CDH12: variants seen among roughly 807,000 people sequenced by gnomAD.
CDH12 encodes the protein cadherin 12.
Under a neutral mutation model 74.1 loss-of-function variants are expected in CDH12, and 41 were observed. The ratio of observed to expected loss-of-function variants is 0.55; its 90% CI spans 0.43 to 0.72. The LOEUF is 0.72. CDH12 is among the 30% of genes least tolerant of loss of function. The pLI, the probability that CDH12 is intolerant of heterozygous loss-of-function variation, is 0.00. For synonymous variants in CDH12, 399 were observed against 355.0 expected, an observed-to-expected ratio of 1.12 and a Z score of -1.39; for missense variants, 945 against 977.2, an observed-to-expected ratio of 0.97 and a Z score of 0.44.
chr5:22,255,601 T>C (rs1454993542), intron 3 of CDH12, among the ~76,000 whole-genome samples: 1 of 151,688 alleles, frequency 6.6e-6, no homozygotes, highest in African/African-American at 2.4e-5. Context: ...TTTAAGTTTG[T>C]TACATTTTTA....
intron 2 of CDH12, among the ~76,000 whole-genome samples, chr5:22,501,014 C>T (rs186603143): frequency 6.6e-6 from 1 of 151,744 alleles, no homozygotes; most frequent in South Asian, 2.1e-4. Flanking sequence ...AGCACAATAA[C>T]CTGCATTGTG....
intron 1 of CDH12, among the ~76,000 whole-genome samples, chr5:22,606,510 G>A (rs145056355): frequency 0.037 from 5,652 of 152,178 alleles, 245 homozygotes; most frequent in African/African-American, 0.1. Context: ...GAGTTCTCAC[G>A]AGATCTGATG....
chr5:22,454,265 C>A (rs949031023), intron 2 of CDH12, among the ~76,000 whole-genome samples: 1 of 152,144 alleles, frequency 6.6e-6, no homozygotes, highest in Non-Finnish European at 1.5e-5. Context: ...AACAATTAGT[C>A]TTTCGTATAT....
In CDH12 at chr5:21,880,501, TCCTCCCTC is replaced by T. The variant is rs1225341086; in HGVS notation, c.527-25719_527-25712del. ...TTCCTTCCTTCCTTCCTTCCTTCCT[TCCTCCCTC>T]CCTCCCTCTTTTCTTTCTTCCTTCT... On this transcript the variant is annotated intron_variant, in intron 6 of 14. Transcript: ENST00000382254. 3.5e-4 allele frequency among the ~76,000 whole-genome samples: 9 copies of T among 25,380 alleles called. 3 individuals are homozygous for T. The highest frequency in any genetic ancestry group is 1.1e-3 in the Admixed American group (2 of 1,872). 16.7% of individuals were successfully genotyped at this position (25,380 alleles called of 152,430 possible).
intron 6 of CDH12, among the ~76,000 whole-genome samples, chr5:21,864,276 C>T (rs551427886): frequency 1.8e-4 from 28 of 152,074 alleles, no homozygotes; most frequent in South Asian, 8.3e-4. Flanking sequence ...CACTACTCCT[C>T]GATGTGTCTG....
rs143931004 is a variant in CDH12, at chr5:22,702,735, A to C, written c.-523+150323T>G. Among the ~76,000 whole-genome samples, 916 of 152,076 alleles carry C rather than the reference A, an allele frequency of 6.0e-3. 5 individuals carry two copies. The highest frequency in any genetic ancestry group is 0.027 in the Middle Eastern group (8 of 294). ...AAGCTTGATAACAATAATAAAAAAA[A>C]CCCTTCACTTTCCTTTGCTGTTCTT... On this transcript the variant is annotated intron_variant, in intron 1 of 14. Transcript: ENST00000382254.
At chr5:22,115,536 A>G (rs925849389) in intron 4 of CDH12, among the ~76,000 whole-genome samples, 3 of 152,020 alleles carry the variant, frequency 2.0e-5, no homozygotes, top group Non-Finnish European at 2.9e-5. Context: ...TAAAATATAC[A>G]TTGGCTATAG....
chr5:22,216,442 C>G (rs60604774), intron 3 of CDH12, among the ~76,000 whole-genome samples: 1 of 151,898 alleles, frequency 6.6e-6, no homozygotes, highest in Non-Finnish European at 1.5e-5. Flanking sequence ...AATGTAGATT[C>G]AGCTATTACC....
intron 4 of CDH12, among the ~76,000 whole-genome samples, chr5:22,095,594 G>A (rs1050269137): frequency 5.3e-5 from 8 of 151,296 alleles, no homozygotes; most frequent in Non-Finnish European, 1.0e-4. Context: ...TTTCTGGGGG[G>A]CAAGAACCCC....
chr5:22,287,019 G>T (rs1255328603), intron 3 of CDH12, among the ~76,000 whole-genome samples: 1 of 152,130 alleles, frequency 6.6e-6, no homozygotes, highest in Non-Finnish European at 1.5e-5. Context: ...TCGGAAAGTT[G>T]AACAAATGTT....
intron 1 of CDH12, among the ~76,000 whole-genome samples, chr5:22,596,501 T>C (rs979134917): frequency 6.6e-6 from 1 of 152,030 alleles, no homozygotes; most frequent in African/African-American, 2.4e-5. Context: ...AAATAAAATC[T>C]GAAAGTTAGG....
intron 4 of CDH12, among the ~76,000 whole-genome samples, chr5:22,149,037 G>T (rs1375661422): frequency 1.3e-5 from 2 of 152,164 alleles, no homozygotes; most frequent in Non-Finnish European, 2.9e-5. Flanking sequence ...AGAATGGCTT[G>T]AACCCAGGAG....
At chr5:22,668,494 G>C (rs954997484) in intron 1 of CDH12, among the ~76,000 whole-genome samples, 24 of 152,160 alleles carry the variant, frequency 1.6e-4, no homozygotes, top group African/African-American at 5.8e-4. Flanking sequence ...GAAGTCCAAG[G>C]TTGAGGATCT....
chr5:22,145,646 C>A (rs116537871), intron 4 of CDH12, among the ~76,000 whole-genome samples: 1 of 152,030 alleles, frequency 6.6e-6, no homozygotes, highest in African/African-American at 2.4e-5. Context: ...GCAAGGCTAA[C>A]GGTGAGCAGT....
chr5:22,464,238 C>T (rs867397275), intron 2 of CDH12, among the ~76,000 whole-genome samples: 17 of 152,242 alleles, frequency 1.1e-4, no homozygotes, highest in Admixed American at 7.8e-4. Context: ...TCCCCAGCCA[C>T]GCAGAACTGC....
chr5:22,619,194 A>G (rs1021190182), intron 1 of CDH12, among the ~76,000 whole-genome samples: 1 of 152,068 alleles, frequency 6.6e-6, no homozygotes, highest in African/African-American at 2.4e-5. Flanking sequence ...TTTGGTCCCT[A>G]TATCTTTCCA....
intron 1 of CDH12, among the ~76,000 whole-genome samples, chr5:22,666,920 T>C (rs974601211): frequency 6.6e-6 from 1 of 152,186 alleles, no homozygotes; most frequent in African/African-American, 2.4e-5. Context: ...CTATAAGACC[T>C]TGCATATTTT....
chr5:21,800,824 T>C (rs958053864), intron 10 of CDH12, among the ~76,000 whole-genome samples: 1 of 152,164 alleles, frequency 6.6e-6, no homozygotes, highest in Non-Finnish European at 1.5e-5. Flanking sequence ...AATCTGATTG[T>C]TTCATAAGTT....
At chr5:22,534,651 G>C (rs972920130) in intron 1 of CDH12, among the ~76,000 whole-genome samples, 6 of 152,066 alleles carry the variant, frequency 3.9e-5, no homozygotes, top group African/African-American at 1.2e-4. Context: ...GGGGAGGAGA[G>C]AAAGGGAAAG....
Sources: gnomAD v4.1 joint callset for allele counts (sites outside exome capture counted in the v4.1 genomes callset) on GRCh38, gnomAD v4.1.1 for gene constraint, MANE v1.5 for transcripts, NCBI Gene and HGNC (gene_info 2026-07-23, HGNC 2026-07-21) for gene names.